RNF38: variants seen among roughly 807,000 people sequenced by gnomAD.
RNF38 encodes ring finger protein 38.
Under a neutral mutation model 67.2 loss-of-function variants are expected in RNF38, and 15 were observed. That is an observed-to-expected ratio of 0.22 (90% CI 0.15 to 0.34). The LOEUF (loss-of-function observed/expected upper bound fraction) is 0.34, where lower values mean the gene tolerates loss of function less well. Ranked by LOEUF, RNF38 falls within the 10% of genes least tolerant of loss-of-function variation. The pLI is 1.00. For synonymous variants in RNF38, 220 were observed against 218.8 expected (o/e 1.01, Z -0.05); for missense variants, 524 against 639.9 (o/e 0.82, Z 1.95).
At chr9:36,450,388 T>A (rs928882779) in intron 1 of RNF38, among the ~76,000 whole-genome samples, 4 of 152,188 alleles carry the variant, frequency 2.6e-5, no homozygotes, top group African/African-American at 7.2e-5. Context: ...GAACCACTAG[T>A]ACTTTCTCCC....
At chr9:36,438,368 C>T (rs1005832609) in intron 1 of RNF38, among the ~76,000 whole-genome samples, 5 of 151,998 alleles carry the variant, frequency 3.3e-5, no homozygotes, top group African/African-American at 1.2e-4. Flanking sequence ...TTGAATGCAG[C>T]CCAACACAAA....
intron 1 of RNF38, among the ~76,000 whole-genome samples, chr9:36,393,311 C>CACAA (rs1260878343): frequency 1.3e-5 from 2 of 152,282 alleles, no homozygotes; most frequent in East Asian, 3.9e-4. Context: ...CTCTCCTACT[C>CACAA]ACAACAGTTT....
At chr9:36,476,084 C>T (rs1840114930) in intron 1 of RNF38, among the ~76,000 whole-genome samples, 1 of 151,272 alleles carries the variant, frequency 6.6e-6, no homozygotes, top group Non-Finnish European at 1.5e-5. Context: ...TACAATTAAG[C>T]TAAAATAAGT....
chr9:36,412,919 A>C (rs1400873580), intron 2 of RNF38, among the ~76,000 whole-genome samples: 2 of 152,192 alleles, frequency 1.3e-5, no homozygotes, highest in Non-Finnish European at 2.9e-5. Context: ...CTAAAAATAC[A>C]AAATTAGCCG....
At chr9:36,396,556 T>C (rs953353500) in intron 1 of RNF38, among the ~76,000 whole-genome samples, 8 of 152,224 alleles carry the variant, frequency 5.3e-5, no homozygotes, top group South Asian at 2.1e-4. Context: ...ATTTTGACAG[T>C]GTGGAGCAGG....
chr9:36,378,204 T>C (rs1835923932), intron 2 of RNF38, among the ~76,000 whole-genome samples: 2 of 135,462 alleles, frequency 1.5e-5, no homozygotes, highest in Non-Finnish European at 3.1e-5. Context: ...TGAGACGGAG[T>C]CTTGCTCTGT....
chr9:36,470,447 C>T (rs552012991), intron 1 of RNF38, among the ~76,000 whole-genome samples: 11 of 152,228 alleles, frequency 7.2e-5, no homozygotes, highest in South Asian at 2.1e-4. Context: ...CTATCACTTA[C>T]CAATCCTGTG....
At chr9:36,465,541 C>T (rs1839839581) in intron 1 of RNF38, among the ~76,000 whole-genome samples, 2 of 152,214 alleles carry the variant, frequency 1.3e-5, no homozygotes, top group South Asian at 4.1e-4. Context: ...GACAGGGTTT[C>T]TCCATGTTGG....
At chr9:36,348,028 A>G (rs1243541490) in intron 9 of RNF38, among the ~76,000 whole-genome samples, 1 of 152,218 alleles carries the variant, frequency 6.6e-6, no homozygotes, top group East Asian at 1.9e-4. Context: ...GTGAGCCGAG[A>G]TTGCGCCACG....
At chr9:36,379,026 G>C (rs538714066) in intron 2 of RNF38, among the ~76,000 whole-genome samples, 4 of 151,602 alleles carry the variant, frequency 2.6e-5, no homozygotes, top group Non-Finnish European at 5.9e-5. Context: ...TCAGTCTCCC[G>C]AGTAGCTGGG....
At chr9:36,353,669 T>C (rs533806930) in intron 6 of RNF38, among the ~76,000 whole-genome samples, 8 of 152,176 alleles carry the variant, frequency 5.3e-5, no homozygotes, top group Non-Finnish European at 1.0e-4. Context: ...TTTTCAGTCA[T>C]AGCACCCTGA....
rs192972950 is a variant in RNF38, at chr9:36,353,344, A to G, written c.910-13T>C. On this transcript the variant is annotated splice_polypyrimidine_tract_variant and intron_variant, in intron 6 of 11. Transcript: ENST00000259605. ...TCCTTTGCAGAGGCTGAGGAGGGGG[A>G]AAAAAAAACACATATATGTATATAT... is the stretch of plus-strand genomic sequence containing the variant. 10,996 of 1,499,542 alleles carry G rather than the reference A, an allele frequency of 7.3e-3. 83 individuals carry two copies. Among genetic ancestry groups the G allele is most frequent in the Middle Eastern group, 0.029 (136 of 4,704 alleles). 92.9% of individuals were successfully genotyped at this position (1,499,542 alleles called of 1,614,324 possible). A position where few individuals can be genotyped will look rare whatever the true frequency, so the allele number is the denominator to read the frequency against.
chr9:36,403,539 G>C (rs182214387), upstream of RNF38, among the ~76,000 whole-genome samples: 120 of 152,306 alleles, frequency 7.9e-4, 1 homozygote, highest in African/African-American at 2.8e-3. Flanking sequence ...TAAAAAACTG[G>C]TTTTCTTGAC....
intron 1 of RNF38, among the ~76,000 whole-genome samples, chr9:36,451,430 C>T (rs1175278418): frequency 1.3e-5 from 2 of 149,754 alleles, no homozygotes; most frequent in Non-Finnish European, 3.0e-5. Flanking sequence ...GGCACCACTG[C>T]ACTCCTGCCT....
Position 36,356,997 on chromosome 9 carries a change from G to T in RNF38, c.739-524C>A, listed in dbSNP as rs189825681. The stretch of plus-strand genomic sequence containing the variant: ...AAGCCTGAGTAAATTAATCTGTTAA[G>T]TTAGTATTGGTATAAGTGTGCACTT... On this transcript the variant is annotated intron_variant, in intron 5 of 11. Coordinates refer to ENST00000259605, the MANE Select transcript of RNF38 (RefSeq NM_022781.5). 3.5e-3 allele frequency among the ~76,000 whole-genome samples: 528 copies of T among 152,268 alleles called. 1 individual carries two copies. Among genetic ancestry groups the T allele is most frequent in the Admixed American group, 5.9e-3 (90 of 15,294 alleles).
At chr9:36,408,039 G>C (rs1486440500) in intron 2 of RNF38, among the ~76,000 whole-genome samples, 1 of 152,072 alleles carries the variant, frequency 6.6e-6, no homozygotes, top group Non-Finnish European at 1.5e-5. Context: ...TAGAATTGCT[G>C]GTTCAAACAG....
Position 36,442,053 on chromosome 9 carries a change from G to C in RNF38, n.242-17370C>G, listed in dbSNP as rs1487291438. The stretch of plus-strand genomic sequence containing the variant: ...TTCCCCTACATAGGAACCATCAATA[G>C]CTTCCTCCTACTTATAAGGGGGGGA... On this transcript the variant is annotated intron_variant and non_coding_transcript_variant, in intron 1 of 3. Transcript: ENST00000488058. Among the ~76,000 whole-genome samples, 3 of 152,182 alleles carry C rather than the reference G, an allele frequency of 2.0e-5. No homozygotes were observed. In the South Asian group the frequency reaches 6.2e-4, roughly 32 times the overall value.
At chr9:36,394,216 A>G (rs932692060) in intron 1 of RNF38, among the ~76,000 whole-genome samples, 1 of 152,118 alleles carries the variant, frequency 6.6e-6, no homozygotes, top group Non-Finnish European at 1.5e-5. Flanking sequence ...TGGAGGTTGC[A>G]GTGAGCCAAG....
intron 5 of RNF38, among the ~76,000 whole-genome samples, chr9:36,356,770 T>C (rs1239565356): frequency 6.6e-6 from 1 of 151,750 alleles, no homozygotes; most frequent in Non-Finnish European, 1.5e-5. Flanking sequence ...GGGGAAGTGC[T>C]GCAAAGAAGA....
Sources: allele counts gnomAD v4.1 joint callset (sites outside exome capture counted in the v4.1 genomes callset), GRCh38; gene constraint gnomAD v4.1.1; transcripts MANE v1.5; gene names NCBI Gene and HGNC (gene_info 2026-07-23, HGNC 2026-07-21).